The following CCDC141 variants were observed in gnomAD, a reference collection of about 807,000 sequenced individuals.
CCDC141 encodes coiled-coil domain-containing protein 141.
In CCDC141, 168 loss-of-function variants were observed where a neutral mutation model predicts 181.0. The observed-to-expected ratio is 0.93, with a 90% CI of 0.82 to 1.05. The LOEUF (loss-of-function observed/expected upper bound fraction) is 1.05. CCDC141 is among the 50% of genes least tolerant of loss of function. The pLI is 0.00. For synonymous variants in CCDC141, 666 were observed against 642.3 expected (o/e 1.04, Z -0.56); for missense variants, 1,902 against 1,788.5 (o/e 1.06, Z -1.14).
At chr2:178,815,504 G>A in the CCDC141 span, among the ~76,000 whole-genome samples, 21 of 152,290 alleles carry the variant, frequency 1.4e-4, no homozygotes, top group East Asian at 4.1e-3. Flanking sequence ...TCTGTAATGT[G>A]AATCTTTGTC....
chr2:178,854,791 C>G (rs964040165), intron 19 of CCDC141, among the ~76,000 whole-genome samples: 5 of 152,142 alleles, frequency 3.3e-5, no homozygotes, highest in African/African-American at 1.2e-4. Context: ...AAAGAACACT[C>G]AAGAACTTCA....
At chr2:178,881,560 C>T (rs944811681) in intron 11 of CCDC141, among the ~76,000 whole-genome samples, 2 of 151,858 alleles carry the variant, frequency 1.3e-5, no homozygotes, top group Admixed American at 6.6e-5. Context: ...CTTAAAAGAA[C>T]GTTTTTAATG....
At chr2:179,000,038 T>C (rs1272772833) in intron 2 of CCDC141, among the ~76,000 whole-genome samples, 2 of 144,370 alleles carry the variant, frequency 1.4e-5, no homozygotes, top group African/African-American at 5.2e-5. Context: ...ATTCCACTGC[T>C]CAGAGATTCA....
At chr2:178,942,197 C>G (rs1407174245) in intron 6 of CCDC141, among the ~76,000 whole-genome samples, 1 of 152,088 alleles carries the variant, frequency 6.6e-6, no homozygotes, top group Admixed American at 6.6e-5. Flanking sequence ...CTCAAACCAT[C>G]CTCCCACCTC....
At chr2:179,028,774 T>A (rs1022280472) in intron 2 of CCDC141, among the ~76,000 whole-genome samples, 1 of 152,198 alleles carries the variant, frequency 6.6e-6, no homozygotes, top group African/African-American at 2.4e-5. Flanking sequence ...TAAAATTTTA[T>A]CCTGTTCACT....
chr2:178,897,064 C>T lies in CCDC141; in HGVS notation c.1265+8265G>A, dbSNP rs80000562. ...CATCTCCTAGCTGCTTGCAGGGTAG[C>T]CCCCTTTGTTCTTAGAGAGTCTTTC... On this transcript the variant is annotated intron_variant, in intron 8 of 23. Transcript: ENST00000443758. 4.3e-3 allele frequency among the ~76,000 whole-genome samples: 657 copies of T among 152,128 alleles called. 8 individuals carry two copies. The highest frequency in any genetic ancestry group is 0.015 in the African/African-American group (630 of 41,514).
chr2:179,036,024 CT>C lies in CCDC141; in HGVS notation c.225+11259del, dbSNP rs535378468. ...TTGCAGAAATATGGAGGACACCTCT[CT>C]TTTTTGCCCACTCTGTGTCATTTGG... is the stretch of plus-strand genomic sequence containing the variant. On this transcript the variant is annotated intron_variant, in intron 2 of 23. Coordinates refer to ENST00000443758, the MANE Select transcript of CCDC141 (RefSeq NM_173648.4). Among the ~76,000 whole-genome samples, 671 of 152,278 alleles carry C rather than the reference CT, an allele frequency of 4.4e-3. 5 individuals carry two copies. The highest frequency in any genetic ancestry group is 0.015 in the African/African-American group (643 of 41,554).
Position 178,834,404 on chromosome 2 carries a change from G to A in CCDC141, c.4362C>T (p.His1454=), listed in dbSNP as rs1372453156. 1 of 1,536,414 alleles carries A rather than the reference G, an allele frequency of 6.5e-7. No individual in the cohort carries two copies. Among genetic ancestry groups the A allele is most frequent in the Non-Finnish European group, 8.7e-7 (1 of 1,146,894 alleles). Residue 1454 remains histidine, a synonymous_variant, in exon 24 of 24, where the codon CAC becomes CAT. Coordinates refer to ENST00000443758, the MANE Select transcript of CCDC141 (RefSeq NM_173648.4). ...KKGQKLSADG[H]LQVLHKETRH... The stretch of plus-strand genomic sequence containing the variant: ...TTGTCTCCTTGTGTAAAACCTGTAA[G>A]TGCCCATCTGCAGACAATTTCTGGC...
At chr2:179,049,598 T>C (rs1291041725) in intron 1 of CCDC141, among the ~76,000 whole-genome samples, 1 of 151,548 alleles carries the variant, frequency 6.6e-6, no homozygotes, top group Non-Finnish European at 1.5e-5. Flanking sequence ...TCTTTTTTTT[T>C]TTTTTTTTAA....
intron 8 of CCDC141, among the ~76,000 whole-genome samples, chr2:178,892,236 C>T (rs1342124847): frequency 2.0e-5 from 3 of 152,118 alleles, no homozygotes; most frequent in Non-Finnish European, 2.9e-5. Flanking sequence ...ATACTTCCTT[C>T]TATTTAAAGC....
At chr2:178,962,474 T>C (rs1391618547) in intron 4 of CCDC141, among the ~76,000 whole-genome samples, 1 of 152,178 alleles carries the variant, frequency 6.6e-6, no homozygotes, top group African/African-American at 2.4e-5. Context: ...AAAGCATCAT[T>C]TGTTGCCTGG....
At chr2:178,866,006 T>A (rs976533358) in intron 16 of CCDC141, 90 bp from the exon 17 acceptor site, 1 of 1,044,870 alleles carries the variant, frequency 9.6e-7, no homozygotes, top group African/African-American at 1.6e-5. Flanking sequence ...AACTCATAAA[T>A]GACACTTTTT....
intron 8 of CCDC141, among the ~76,000 whole-genome samples, chr2:178,896,988 C>A (rs368179714): frequency 6.6e-6 from 1 of 151,872 alleles, no homozygotes; most frequent in East Asian, 1.9e-4. Context: ...TCCAGCCACA[C>A]CACCCTTCTC....
At chr2:178,890,823 ACTT>A (rs1229697591) in intron 8 of CCDC141, among the ~76,000 whole-genome samples, 1 of 152,220 alleles carries the variant, frequency 6.6e-6, no homozygotes, top group Non-Finnish European at 1.5e-5. Context: ...ATAGATGCAC[ACTT>A]CTTATAAATT....
chr2:179,003,161 G>A (rs1229281777), intron 2 of CCDC141, among the ~76,000 whole-genome samples: 1 of 152,106 alleles, frequency 6.6e-6, no homozygotes, highest in Non-Finnish European at 1.5e-5. Flanking sequence ...GACAATTTTG[G>A]TCATGAAGAA....
At chr2:178,970,549 G>T (rs2154379921) in intron 4 of CCDC141, among the ~76,000 whole-genome samples, 1 of 152,276 alleles carries the variant, frequency 6.6e-6, no homozygotes, top group South Asian at 2.1e-4. Flanking sequence ...AAATGGTGTT[G>T]GGAAACCTAC....
In CCDC141 at chr2:178,837,239, A is replaced by G; in HGVS notation, c.3980T>C (p.Val1327Ala). ...AEHPESMMSE[V>A]HERALQQHPQ... ...GTGCTGCTGTAAAGCTCTCTCATGCACTTCACTCATCATGCTCTCTGGATG... is the reference window on the plus strand; with the variant it reads ...GTGCTGCTGTAAAGCTCTCTCATGCGCTTCACTCATCATGCTCTCTGGATG... Residue 1327 changes from valine to alanine, a missense_variant, in exon 23 of 24, where the codon GTG becomes GCG. By Grantham distance (64) the Val-to-Ala change is moderately conservative. Transcript: ENST00000443758. The G allele has an allele frequency of 6.2e-7, 1 of 1,614,078 alleles. No individual in the cohort carries two copies. Among genetic ancestry groups the G allele is most frequent in the South Asian group, 1.1e-5 (1 of 91,076 alleles).
rs545000132 is a variant in CCDC141, at chr2:178,859,722, GTTA to G, written c.2725-3328_2725-3326del. ...TTAACATAGCTATAATTAGAAATAA[GTTA>G]TTAAGATTTAAAAACTATAGCTATT... On this transcript the variant is annotated intron_variant, in intron 17 of 23. Transcript: ENST00000443758. Among the ~76,000 whole-genome samples, 657 of 152,242 alleles carry G rather than the reference GTTA, an allele frequency of 4.3e-3. 7 individuals carry two copies. The highest frequency in any genetic ancestry group is 0.015 in the African/African-American group (632 of 41,538).
At chr2:179,029,347 T>C (rs192259767) in intron 2 of CCDC141, among the ~76,000 whole-genome samples, 10 of 152,348 alleles carry the variant, frequency 6.6e-5, no homozygotes, top group East Asian at 3.9e-4. Context: ...TTGTAGGCCA[T>C]TGTGGGACTT....
Sources: allele counts gnomAD v4.1 joint callset (sites outside exome capture counted in the v4.1 genomes callset), GRCh38; gene constraint gnomAD v4.1.1; transcripts MANE v1.5; gene names NCBI Gene and HGNC (gene_info 2026-07-23, HGNC 2026-07-21).